BABAM2: variants seen among roughly 807,000 people sequenced by gnomAD.
The protein encoded by BABAM2 is BRISC and BRCA1-A complex member 2.
A neutral mutation model predicts 54.7 loss-of-function variants in BABAM2; 31 were observed. That is an observed-to-expected ratio of 0.57 (90% confidence interval 0.43 to 0.77). The LOEUF is 0.77. BABAM2 is among the 30% of genes least tolerant of loss of function. The pLI, the probability that BABAM2 is intolerant of heterozygous loss-of-function variation, is 0.00. For missense variants in BABAM2, 364 were observed against 455.8 expected (o/e 0.80, Z 1.83); for synonymous variants, 167 against 162.9 (o/e 1.03, Z -0.19).
intron 2 of BABAM2, among the ~76,000 whole-genome samples, chr2:27,913,148 A>G (rs553993402): frequency 1.3e-5 from 2 of 152,334 alleles, no homozygotes; most frequent in Admixed American, 6.5e-5. Context: ...ATGAATTGCT[A>G]GAAGAGTGAA....
chr2:28,128,105 C>T (rs1469018749), intron 6 of BABAM2, among the ~76,000 whole-genome samples: 2 of 152,142 alleles, frequency 1.3e-5, no homozygotes, highest in African/African-American at 4.8e-5. Flanking sequence ...AGCCACCGCG[C>T]CCAGCCGAGT....
intron 6 of BABAM2, among the ~76,000 whole-genome samples, chr2:28,124,550 TG>T (rs1314504532): frequency 6.6e-6 from 1 of 152,162 alleles, no homozygotes; most frequent in Non-Finnish European, 1.5e-5. Context: ...TAGACATTAT[TG>T]GTGACAAAAA....
intron 11 of BABAM2, among the ~76,000 whole-genome samples, chr2:28,318,942 C>T (rs1337742013): frequency 1.3e-5 from 2 of 152,202 alleles, no homozygotes; most frequent in African/African-American, 4.8e-5. Context: ...CTCCACCTCA[C>T]CCCTGGGCTG....
At chr2:28,010,103 A>G (rs186123994) in intron 4 of BABAM2, among the ~76,000 whole-genome samples, 1 of 152,302 alleles carries the variant, frequency 6.6e-6, no homozygotes, top group East Asian at 1.9e-4. Flanking sequence ...GTCCTTATTT[A>G]GTCTGGAACA....
chr2:27,976,644 C>T (rs1558631567), intron 3 of BABAM2, among the ~76,000 whole-genome samples: 1 of 152,088 alleles, frequency 6.6e-6, no homozygotes, highest in Admixed American at 6.5e-5. Context: ...GTGATGTTTA[C>T]ACAAATCTCT....
intron 10 of BABAM2, among the ~76,000 whole-genome samples, chr2:28,275,257 T>G (rs1685777504): frequency 6.6e-6 from 1 of 152,252 alleles, no homozygotes; most frequent in South Asian, 2.1e-4. Context: ...CAGTGGAAAC[T>G]TTCTAGGCCT....
chr2:27,890,174 C>A (rs1664697538), upstream of BABAM2: 8 of 1,325,684 alleles, frequency 6.0e-6, no homozygotes, highest in Non-Finnish European at 7.5e-6. The surrounding 1 kb of genome is among the most constrained non-coding windows in gnomAD (Gnocchi z 4.8). Context: ...GGAGACCCAG[C>A]GCCCAAAAGC....
At chr2:28,028,991 T>G (rs912063376) in intron 5 of BABAM2, among the ~76,000 whole-genome samples, 2 of 152,178 alleles carry the variant, frequency 1.3e-5, no homozygotes, top group Admixed American at 6.5e-5. Context: ...GGTCTTGAAT[T>G]CATGACCTCA....
intron 11 of BABAM2, among the ~76,000 whole-genome samples, chr2:28,305,208 T>C (rs1261430542): frequency 1.3e-5 from 2 of 152,210 alleles, no homozygotes; most frequent in African/African-American, 4.8e-5. Flanking sequence ...CTTGTATTAC[T>C]ACTTTGCTAA....
At chr2:28,264,045 A>T (rs11889421) in intron 10 of BABAM2, among the ~76,000 whole-genome samples, 3 of 152,170 alleles carry the variant, frequency 2.0e-5, no homozygotes, top group African/African-American at 7.2e-5. Flanking sequence ...CCAACCACCC[A>T]TCAATTTTTG....
chr2:28,322,450 G>GT lies in BABAM2; in HGVS notation c.1089-15999dup, dbSNP rs1690098657. Among the ~76,000 whole-genome samples, 1 of 152,250 alleles carries GT rather than the reference G, an allele frequency of 6.6e-6. No homozygotes were observed. Among genetic ancestry groups the GT allele is most frequent in the African/African-American group, 2.4e-5 (1 of 41,470 alleles). On this transcript the variant is annotated intron_variant, in intron 11 of 11. Transcript: ENST00000379624. This position sits in a 1 kb window ranked among gnomAD's most constrained non-coding sequence, Gnocchi z 4.1. Reference sequence around the variant, plus strand: ...CCAGTTCGGGAGAGAGAAGAACCCTGTAACTCTTAGAGGCGCCTTTGAGCA... The same window carrying GT: ...CCAGTTCGGGAGAGAGAAGAACCCTGTTAACTCTTAGAGGCGCCTTTGAGCA...
chr2:28,090,873 C>T (rs1055373077), intron 6 of BABAM2, among the ~76,000 whole-genome samples: 1 of 152,126 alleles, frequency 6.6e-6, no homozygotes, highest in Admixed American at 6.5e-5. Context: ...CTTTCTGAAC[C>T]TGTTTTCTCA....
At chr2:28,053,201 A>G (rs956348279) in intron 6 of BABAM2, among the ~76,000 whole-genome samples, 22 of 152,330 alleles carry the variant, frequency 1.4e-4, no homozygotes, top group African/African-American at 4.8e-4. Context: ...TCTCTAAACC[A>G]CAGATTAAAT....
At chr2:28,267,915 C>T (rs750873282) in intron 10 of BABAM2, among the ~76,000 whole-genome samples, 6 of 152,132 alleles carry the variant, frequency 3.9e-5, no homozygotes, top group South Asian at 2.1e-4. Flanking sequence ...CTAGAAGAAA[C>T]CCAAAAACCC....
At position 28,338,610 on chromosome 2, in the gene BABAM2, C is replaced by T. The variant is rs769349852; in HGVS notation, c.*97C>T. ...CTGGAAGCCGCCTGGAATGTCTTCACGGCAGCGTTTTGCTCACACAGCAGC... is the reference window on the plus strand; with the variant it reads ...CTGGAAGCCGCCTGGAATGTCTTCATGGCAGCGTTTTGCTCACACAGCAGC... On this transcript the variant is annotated 3_prime_UTR_variant, in exon 12 of 12. Transcript: ENST00000379624. 273 of 1,440,982 alleles carry T rather than the reference C, an allele frequency of 1.9e-4. No homozygotes were observed. The highest frequency in any genetic ancestry group is 2.5e-4 in the Non-Finnish European group (260 of 1,028,996). The allele number at this position is 1,440,982 out of a possible 1,614,324, so 89.3% of individuals were successfully genotyped here.
At chr2:28,096,351 C>T (rs1666618507) in intron 6 of BABAM2, among the ~76,000 whole-genome samples, 2 of 147,850 alleles carry the variant, frequency 1.4e-5, no homozygotes, top group African/African-American at 5.0e-5. Context: ...AGGAAAGTTA[C>T]AACAATTTTA....
chr2:28,083,633 T>C (rs1262765704), intron 6 of BABAM2, among the ~76,000 whole-genome samples: 1 of 152,114 alleles, frequency 6.6e-6, no homozygotes, highest in Non-Finnish European at 1.5e-5. Context: ...ACTGAACCGA[T>C]TGATGTTATT....
intron 7 of BABAM2, among the ~76,000 whole-genome samples, chr2:28,139,586 A>G (rs896767476): frequency 1.3e-5 from 2 of 152,118 alleles, no homozygotes; most frequent in Non-Finnish European, 2.9e-5. Context: ...TGAGTAAATA[A>G]AAAATAAAAA....
chr2:28,278,685 CTG>C (rs1686080075), intron 10 of BABAM2, among the ~76,000 whole-genome samples: 1 of 152,118 alleles, frequency 6.6e-6, no homozygotes, highest in African/African-American at 2.4e-5. Context: ...CAGGATGAAT[CTG>C]TGATATGAGG....
Sources: allele counts gnomAD v4.1 joint callset (sites outside exome capture counted in the v4.1 genomes callset), GRCh38; gene constraint gnomAD v4.1.1; non-coding constraint Gnocchi (gnomAD v3.1); transcripts MANE v1.5; gene names NCBI Gene and HGNC (gene_info 2026-07-23, HGNC 2026-07-21).